PCDHGA1: variants seen among roughly 807,000 people sequenced by gnomAD.
PCDHGA1 encodes protocadherin gamma subfamily A, 1, also known as protocadherin gamma-A1.
PCDHGA1 carries 32 observed loss-of-function variants against 58.0 expected under a neutral mutation model. The ratio of observed to expected loss-of-function variants is 0.55; its 90% CI spans 0.42 to 0.74. The LOEUF is 0.74. Ranked by LOEUF, PCDHGA1 falls within the 30% of genes least tolerant of loss-of-function variation. PCDHGA1 has a pLI of 0.00. For synonymous variants in PCDHGA1, 498 were observed against 501.1 expected (o/e 0.99, Z 0.08); for missense variants, 1,205 against 1,182.3 (o/e 1.02, Z -0.28).
At chr5:141,347,465 T>C (rs1186569771) in intron 1 of PCDHGA1, among the ~76,000 whole-genome samples, 1 of 152,034 alleles carries the variant, frequency 6.6e-6, no homozygotes, top group Non-Finnish European at 1.5e-5. Flanking sequence ...TGTTATTCTT[T>C]TCATCTCAAT....
At position 141,383,936 on chromosome 5, in the gene PCDHGA1, A is replaced by C. The variant is rs563490528; in HGVS notation, c.2421+50831A>C. ...TTAGATGTAAATGATAATGCTCCAG[A>C]AGTGACTATGACGTCTTTAAGTAGC... On this transcript the variant is annotated intron_variant, in intron 1 of 3. Transcript: ENST00000517417. The C allele has an allele frequency of 1.9e-6, 3 of 1,613,936 alleles. No individual in the cohort carries two copies. In the East Asian group the frequency reaches 6.7e-5, roughly 36 times the overall value.
intron 1 of PCDHGA1, chr5:141,383,530 G>A: frequency 6.2e-7 from 1 of 1,612,674 alleles, no homozygotes; most frequent in Non-Finnish European, 8.5e-7. Flanking sequence ...TCACCACCTG[G>A]TCCTCACAGC....
chr5:141,481,181 G>C (rs1364223040), intron 1 of PCDHGA1, among the ~76,000 whole-genome samples: 1 of 152,154 alleles, frequency 6.6e-6, no homozygotes, highest in Non-Finnish European at 1.5e-5. Context: ...CAGCTTTATT[G>C]GGCCAGGCCC....
intron 1 of PCDHGA1, chr5:141,415,308 C>G (rs2154545628): frequency 6.2e-7 from 1 of 1,614,236 alleles, no homozygotes; most frequent in Non-Finnish European, 8.5e-7. Context: ...TCCTGGCCTT[C>G]GTCATCGTGC....
intron 1 of PCDHGA1, chr5:141,409,468 C>A: frequency 2.5e-6 from 4 of 1,613,948 alleles, no homozygotes; most frequent in Non-Finnish European, 3.4e-6. Context: ...ATGTCACCAT[C>A]GTAGCCACTG....
intron 1 of PCDHGA1, chr5:141,423,251 A>T: frequency 6.2e-7 from 1 of 1,613,844 alleles, no homozygotes; most frequent in East Asian, 2.2e-5. Context: ...GTCCTGGCGG[A>T]CCTCGGCAGC....
intron 1 of PCDHGA1, chr5:141,352,384 C>A (rs771384435): frequency 1.2e-6 from 2 of 1,613,934 alleles, no homozygotes; most frequent in Admixed American, 3.3e-5. Context: ...TAGCGATCGC[C>A]CTGCGCCTGC....
intron 1 of PCDHGA1, chr5:141,478,141 C>T (rs770862398): frequency 6.2e-7 from 1 of 1,614,044 alleles, no homozygotes; most frequent in Non-Finnish European, 8.5e-7. Context: ...AAGCCCGAGC[C>T]GAGTTCCCCT....
rs768354664 is a variant in PCDHGA1 at position 141,485,690 on chromosome 5, A to C, written c.2422-9117A>C. On this transcript the variant is annotated intron_variant, in intron 1 of 3. Coordinates refer to ENST00000517417, the MANE Select transcript of PCDHGA1 (RefSeq NM_018912.3). This position sits in a 1 kb window ranked among gnomAD's most constrained non-coding sequence, Gnocchi z 5.7. ...CAATTCGATTAGCAGCTATAGGCTG[A>C]GCTCCAATGAACACTTTGCACTGGA... 1.6e-5 allele frequency: 26 copies of C among 1,614,106 alleles called. No individual in the cohort carries two copies. In the South Asian group the frequency reaches 2.7e-4, roughly 17 times the overall value.
At chr5:141,376,069 G>A in intron 1 of PCDHGA1, 1 of 1,613,452 alleles carries the variant, frequency 6.2e-7, no homozygotes, top group Non-Finnish European at 8.5e-7. Context: ...CGCTCACCGT[G>A]GCCGTGGCCG....
chr5:141,394,427 G>A (rs748527281), intron 1 of PCDHGA1: 23 of 1,614,228 alleles, frequency 1.4e-5, no homozygotes, highest in Non-Finnish European at 1.6e-5. Flanking sequence ...GCGACAGCGG[G>A]GACCCGCCCC....
Position 141,431,789 on chromosome 5 carries a change from G to A in PCDHGA1, c.2422-63018G>A, listed in dbSNP as rs760507500. On this transcript the variant is annotated intron_variant, in intron 1 of 3. Coordinates refer to ENST00000517417, the MANE Select transcript of PCDHGA1 (RefSeq NM_018912.3). This position sits in a 1 kb window ranked among gnomAD's most constrained non-coding sequence, Gnocchi z 4.8. ...CACTGTTCTGGACGTGAACGACAATGCCCCAGAAGTGGTCCTCACCTCTCT... is the reference window on the plus strand; with the variant it reads ...CACTGTTCTGGACGTGAACGACAATACCCCAGAAGTGGTCCTCACCTCTCT... 7.4e-6 allele frequency: 12 copies of A among 1,614,096 alleles called. No homozygotes were observed. The highest frequency in any genetic ancestry group is 5.9e-6 in the Non-Finnish European group (7 of 1,180,042).
intron 1 of PCDHGA1, chr5:141,391,235 G>A (rs939140536): frequency 6.6e-6 from 1 of 151,890 alleles, no homozygotes; most frequent in Admixed American, 6.6e-5. Flanking sequence ...CTTTTGCTAG[G>A]TATATCTAAG....
intron 1 of PCDHGA1, chr5:141,403,625 A>G (rs2094436092): frequency 6.2e-7 from 1 of 1,613,818 alleles, no homozygotes; most frequent in African/African-American, 1.3e-5. Context: ...TCGCTCCAGC[A>G]CAGTGCGCAT....
intron 1 of PCDHGA1, chr5:141,366,897 T>C (rs1764856228): frequency 6.6e-6 from 8 of 1,211,018 alleles, no homozygotes; most frequent in Non-Finnish European, 9.0e-6. Context: ...ATATAATTCA[T>C]GCTTTCTCCA....
At chr5:141,488,208 C>T (rs2099672939) in intron 1 of PCDHGA1, among the ~76,000 whole-genome samples, 1 of 152,152 alleles carries the variant, frequency 6.6e-6, no homozygotes, top group African/African-American at 2.4e-5. Flanking sequence ...GGACTCATAT[C>T]AAGTCCCTAC....
intron 1 of PCDHGA1, chr5:141,419,707 C>G (rs781629810): frequency 6.2e-7 from 1 of 1,613,180 alleles, no homozygotes. Flanking sequence ...AGCCCGGGCT[C>G]TTCAGCCTGG....
intron 1 of PCDHGA1, chr5:141,350,612 G>C (rs1232171482): frequency 2.5e-6 from 4 of 1,614,070 alleles, no homozygotes; most frequent in Middle Eastern, 3.3e-4. Context: ...CCACGTGGTT[G>C]TTGTAATCCA....
intron 1 of PCDHGA1, chr5:141,365,447 G>T (rs931548015): frequency 6.2e-7 from 1 of 1,614,034 alleles, no homozygotes; most frequent in Middle Eastern, 1.6e-4. Context: ...TAGCGTACAT[G>T]ATGGTGATTC....
Sources: gnomAD v4.1 joint callset for allele counts (sites outside exome capture counted in the v4.1 genomes callset) on GRCh38, gnomAD v4.1.1 for gene constraint, Gnocchi (gnomAD v3.1) non-coding constraint, MANE v1.5 for transcripts, NCBI Gene and HGNC (gene_info 2026-07-23, HGNC 2026-07-21) for gene names.